The following TOM1L2 variants were observed in gnomAD, a reference collection of about 807,000 sequenced individuals.
TOM1L2 encodes the protein target of myb1 like 2 membrane trafficking protein, also known as TOM1-like protein 2.
TOM1L2 carries 31 observed loss-of-function variants against 67.9 expected under a neutral mutation model. The ratio of observed to expected loss-of-function variants is 0.46; its 90% CI spans 0.34 to 0.62. The LOEUF is 0.62. Among genes scored for constraint, TOM1L2 ranks in the 20% least tolerant of loss-of-function variants. The pLI is 0.01. For synonymous variants in TOM1L2, 256 were observed against 254.0 expected, an observed-to-expected ratio of 1.01 and a Z score of -0.07; for missense variants, 606 against 663.5, an observed-to-expected ratio of 0.91 and a Z score of 0.95.
At position 17,866,440 on chromosome 17, in the gene TOM1L2, C is replaced by T. The variant is rs1216569102; in HGVS notation, c.961-21G>A. On this transcript the variant is annotated intron_variant, in intron 9 of 14. Coordinates refer to ENST00000379504, the MANE Select transcript of TOM1L2 (RefSeq NM_001082968.2). Reference sequence around the variant, plus strand: ...AGTACCTGTCAGAACATGAGATTGGCCATAAGCCCCAGAACCCTGGAGTCA... The same window carrying T: ...AGTACCTGTCAGAACATGAGATTGGTCATAAGCCCCAGAACCCTGGAGTCA... 6 of 1,575,154 alleles carry T rather than the reference C, an allele frequency of 3.8e-6. 1 individual carries two copies. Among genetic ancestry groups the T allele is most frequent in the Non-Finnish European group, 5.2e-6 (6 of 1,157,650 alleles).
chr17:17,909,531 T>C (rs1230463204), intron 1 of TOM1L2, among the ~76,000 whole-genome samples: 1 of 139,460 alleles, frequency 7.2e-6, no homozygotes, highest in Non-Finnish European at 1.5e-5. Flanking sequence ...TACAATCAGG[T>C]ACCTAGAATA....
chr17:17,912,548 G>A (rs1217384035), intron 1 of TOM1L2, among the ~76,000 whole-genome samples: 4 of 151,402 alleles, frequency 2.6e-5, no homozygotes, highest in South Asian at 2.1e-4. Flanking sequence ...ATCCCAGACG[G>A]GGCGGCGGGG....
Position 17,949,381 on chromosome 17 carries a change from G to A in TOM1L2, c.52+22881C>T, listed in dbSNP as rs146057546. Among the ~76,000 whole-genome samples, 11 of 152,348 alleles carry A rather than the reference G, an allele frequency of 7.2e-5. No individual in the cohort carries two copies. The East Asian group carries it at 1.7e-3, about 24-fold the overall frequency. On this transcript the variant is annotated intron_variant, in intron 1 of 14. Transcript: ENST00000379504. The stretch of plus-strand genomic sequence containing the variant: ...AAGGCTTCATCTCTGACAAGAGCCT[G>A]TCTCAGCCCCCAAGGAGGCCCAACT...
intron 1 of TOM1L2, among the ~76,000 whole-genome samples, chr17:17,946,937 C>T (rs923863215): frequency 1.3e-5 from 2 of 152,182 alleles, no homozygotes; most frequent in African/African-American, 4.8e-5. Context: ...GTTGGCCAGG[C>T]TGGTCTCGAG....
At chr17:17,886,067 C>T (rs71367419) in intron 4 of TOM1L2, among the ~76,000 whole-genome samples, 1 of 152,144 alleles carries the variant, frequency 6.6e-6, no homozygotes, top group African/African-American at 2.4e-5. Context: ...GAGGCAGAGC[C>T]TCCTGTGCCC....
chr17:17,866,057 T>C (rs2097263476), intron 10 of TOM1L2, among the ~76,000 whole-genome samples: 2 of 152,156 alleles, frequency 1.3e-5, no homozygotes, highest in Admixed American at 1.3e-4. Flanking sequence ...CTTTCTTTAA[T>C]TCATTGGAAT....
At chr17:17,888,474 G>A (rs2038104406) in intron 4 of TOM1L2, among the ~76,000 whole-genome samples, 1 of 152,182 alleles carries the variant, frequency 6.6e-6, no homozygotes, top group African/African-American at 2.4e-5. Context: ...GATGCCTTTG[G>A]ATAGAAGGGA....
At chr17:17,864,364 C>T (rs1025004376) in intron 10 of TOM1L2, among the ~76,000 whole-genome samples, 9 of 151,726 alleles carry the variant, frequency 5.9e-5, no homozygotes, top group African/African-American at 2.2e-4. Context: ...CCGCCCACCA[C>T]CACGCCTGGC....
chr17:17,886,591 C>T (rs1188144059), intron 4 of TOM1L2, among the ~76,000 whole-genome samples: 1 of 152,248 alleles, frequency 6.6e-6, no homozygotes, highest in East Asian at 1.9e-4. Flanking sequence ...ACCAGTTTCA[C>T]AGCCCACTGT....
At chr17:17,876,956 C>A (rs958572513) in intron 7 of TOM1L2, among the ~76,000 whole-genome samples, 8 of 152,316 alleles carry the variant, frequency 5.3e-5, no homozygotes, top group Admixed American at 3.9e-4. Context: ...AGGTCTCTCC[C>A]AACTCAGAGA....
chr17:17,888,082 G>T (rs972636202), intron 4 of TOM1L2, among the ~76,000 whole-genome samples: 2 of 152,180 alleles, frequency 1.3e-5, no homozygotes, highest in Admixed American at 1.3e-4. Flanking sequence ...CACTGAGGGT[G>T]GGGGAGGCTG....
At chr17:17,872,523 AGT>A (rs1415943956) in intron 7 of TOM1L2, among the ~76,000 whole-genome samples, 3 of 152,212 alleles carry the variant, frequency 2.0e-5, no homozygotes, top group Non-Finnish European at 4.4e-5. Context: ...ACCTGGCCAA[AGT>A]GTGCAGGATG....
intron 7 of TOM1L2, among the ~76,000 whole-genome samples, chr17:17,872,219 C>T (rs1598229352): frequency 6.6e-6 from 1 of 152,208 alleles, no homozygotes; most frequent in Non-Finnish European, 1.5e-5. Context: ...AGGCCCTTAA[C>T]ATTAAAACAA....
intron 2 of TOM1L2, among the ~76,000 whole-genome samples, chr17:17,899,066 T>C (rs1452335233): frequency 6.6e-6 from 1 of 152,240 alleles, no homozygotes; most frequent in African/African-American, 2.4e-5. Flanking sequence ...CTGGTAACTG[T>C]GGCTGCCCCT....
intron 8 of TOM1L2, 185 bp downstream of exon 8, chr17:17,869,153 TCA>T (rs1209448259): frequency 2.7e-6 from 3 of 1,116,040 alleles, no homozygotes; most frequent in Non-Finnish European, 3.7e-6. Context: ...CTTCTGCTGC[TCA>T]GTTCCCAGGA....
chr17:17,969,090 T>A (rs1000295573), intron 1 of TOM1L2, among the ~76,000 whole-genome samples: 1 of 146,688 alleles, frequency 6.8e-6, no homozygotes, highest in African/African-American at 2.6e-5. Context: ...AGAGTCTCAC[T>A]CTGTCGCCCA....
Position 17,898,726 on chromosome 17 carries a change from C to A in TOM1L2, c.138-52G>T, listed in dbSNP as rs529571297. On this transcript the variant is annotated intron_variant, in intron 2 of 14. Transcript: ENST00000379504. ...ATACTTACAATCCCACTTGAGGACA[C>A]GATCCTACAGATATGTGAACTAGTA... The A allele has an allele frequency of 3.2e-6, 5 of 1,578,780 alleles. No homozygotes were observed. In the African/African-American group the frequency reaches 6.7e-5, roughly 21 times the overall value.
At chr17:17,909,805 G>A (rs114347092) in intron 1 of TOM1L2, among the ~76,000 whole-genome samples, 4,891 of 152,274 alleles carry the variant, frequency 0.032, 242 homozygotes, top group African/African-American at 0.11. Context: ...TGAGGCAGGA[G>A]GGTTACTTGA....
intron 4 of TOM1L2, 89 bp from the exon 5 acceptor site, chr17:17,884,857 A>T (rs1246502360): frequency 6.5e-7 from 1 of 1,548,658 alleles, no homozygotes; most frequent in Non-Finnish European, 8.8e-7. Context: ...TCTCCCCGAG[A>T]CCAGTGCTCT....
Sources: allele counts gnomAD v4.1 joint callset (sites outside exome capture counted in the v4.1 genomes callset), GRCh38; gene constraint gnomAD v4.1.1; transcripts MANE v1.5; gene names NCBI Gene and HGNC (gene_info 2026-07-23, HGNC 2026-07-21).